Variants in SOX6 observed in about 807,000 individuals in gnomAD.
The protein encoded by SOX6 is transcription factor SOX-6.
SOX6 carries 11 observed loss-of-function variants against 97.8 expected under a neutral mutation model. The ratio of observed to expected loss-of-function variants is 0.11; its 90% CI spans 0.07 to 0.19. The LOEUF is 0.19. SOX6 is among the 10% of genes least tolerant of loss of function. SOX6 has a pLI of 1.00. For synonymous variants in SOX6, 360 were observed against 371.4 expected, an observed-to-expected ratio of 0.97 and a Z score of 0.35; for missense variants, 810 against 1,039.5, an observed-to-expected ratio of 0.78 and a Z score of 3.04.
chr11:16,067,577 C>G (rs1446674820), intron 9 of SOX6, among the ~76,000 whole-genome samples: 2 of 152,092 alleles, frequency 1.3e-5, no homozygotes, highest in Admixed American at 1.3e-4. Flanking sequence ...ATTACCCAGT[C>G]TCTGGTATGT....
chr11:16,603,260 TG>T (rs1451217706), intron 4 of SOX6, among the ~76,000 whole-genome samples: 6 of 152,176 alleles, frequency 3.9e-5, no homozygotes, highest in Non-Finnish European at 5.9e-5. Flanking sequence ...TGTTCATGGC[TG>T]CAGAAATCTG....
chr11:16,560,543 GT>G (rs1847801021), intron 4 of SOX6, among the ~76,000 whole-genome samples: 1 of 84,518 alleles, frequency 1.2e-5, no homozygotes, highest in African/African-American at 4.0e-5. Context: ...ATGTTTATAC[GT>G]ACATATGTTT....
chr11:16,236,454 T>TA (rs1450575336), intron 3 of SOX6, among the ~76,000 whole-genome samples: 27 of 152,042 alleles, frequency 1.8e-4, no homozygotes, highest in Non-Finnish European at 3.5e-4. Flanking sequence ...GATATAACGT[T>TA]AGAGTATGGA....
intron 1 of SOX6, among the ~76,000 whole-genome samples, chr11:16,417,789 T>G (rs1324674452): frequency 6.6e-6 from 1 of 152,198 alleles, no homozygotes; most frequent in East Asian, 1.9e-4. Flanking sequence ...AAACAATTAC[T>G]ATTTGAATTT....
At chr11:16,328,640 T>C (rs1480039399) in intron 2 of SOX6, among the ~76,000 whole-genome samples, 1 of 152,218 alleles carries the variant, frequency 6.6e-6, no homozygotes, top group Admixed American at 6.5e-5. Context: ...TAACATTTTT[T>C]CTGATTCTCC....
At chr11:16,284,398 T>C (rs1017833941) in intron 3 of SOX6, among the ~76,000 whole-genome samples, 3 of 152,142 alleles carry the variant, frequency 2.0e-5, no homozygotes, top group African/African-American at 7.2e-5. Flanking sequence ...TACGTGGATA[T>C]AGAATATTTT....
At chr11:16,303,717 G>A (rs1855335111) in intron 3 of SOX6, among the ~76,000 whole-genome samples, 1 of 152,072 alleles carries the variant, frequency 6.6e-6, no homozygotes, top group Admixed American at 6.6e-5. Context: ...GGGGAAAACT[G>A]TCATTTTTAC....
At position 16,013,397 on chromosome 11, in the gene SOX6, G is replaced by A. The variant is rs188527929; in HGVS notation, c.1732+1545C>T. Among the ~76,000 whole-genome samples, 368 of 152,074 alleles carry A rather than the reference G, an allele frequency of 2.4e-3. 1 individual carries two copies. Among genetic ancestry groups the A allele is most frequent in the African/African-American group, 8.2e-3 (340 of 41,520 alleles). ...CAGCCACAATCTCTGTGTTGCACTC[G>A]GATGGTTAACTGTGCAAGTAACATC... On this transcript the variant is annotated intron_variant, in intron 13 of 15. Transcript: ENST00000683767.
intron 4 of SOX6, chr11:16,611,947 G>A (rs1379918549): frequency 1.3e-5 from 2 of 152,544 alleles, no homozygotes; most frequent in Admixed American, 6.5e-5. Flanking sequence ...TCAAAAATAA[G>A]TTTTACAGAC....
At chr11:16,191,891 G>T (rs1476251969) in intron 4 of SOX6, among the ~76,000 whole-genome samples, 4 of 149,508 alleles carry the variant, frequency 2.7e-5, no homozygotes, top group Non-Finnish European at 4.4e-5. Context: ...TGTTCCATGG[G>T]GTCGTCTTTA....
chr11:16,179,546 G>T (rs544212109), intron 6 of SOX6, among the ~76,000 whole-genome samples: 1 of 151,960 alleles, frequency 6.6e-6, no homozygotes, highest in East Asian at 1.9e-4. Context: ...TTGCAAAGAC[G>T]CAGCAATGGC....
intron 4 of SOX6, among the ~76,000 whole-genome samples, chr11:16,504,441 A>G (rs1417751140): frequency 1.3e-5 from 2 of 152,028 alleles, no homozygotes; most frequent in Non-Finnish European, 2.9e-5. Flanking sequence ...TCTATGCACC[A>G]ATAATAAATT....
intron 4 of SOX6, among the ~76,000 whole-genome samples, chr11:16,560,576 C>T (rs777191079): frequency 2.6e-5 from 3 of 113,370 alleles, no homozygotes; most frequent in Non-Finnish European, 6.0e-5. Context: ...TATGTTTATA[C>T]GTACATATAT....
At chr11:16,097,717 T>A in intron 7 of SOX6, 29 bp from the exon 8 acceptor site, 1 of 1,583,742 alleles carries the variant, frequency 6.3e-7, no homozygotes, top group Non-Finnish European at 8.7e-7. Context: ...CATACAGGTT[T>A]AGACAATGCA....
intron 4 of SOX6, among the ~76,000 whole-genome samples, chr11:16,196,035 G>A (rs1196781063): frequency 6.6e-6 from 1 of 152,154 alleles, no homozygotes; most frequent in Non-Finnish European, 1.5e-5. Context: ...CATTTCTAGG[G>A]TGTATTTACA....
At chr11:16,092,886 C>G (rs575147382) in intron 9 of SOX6, among the ~76,000 whole-genome samples, 5 of 151,356 alleles carry the variant, frequency 3.3e-5, no homozygotes, top group Non-Finnish European at 5.9e-5. Flanking sequence ...TTAGTTCCCA[C>G]GACAATATTT....
intron 3 of SOX6, among the ~76,000 whole-genome samples, chr11:16,656,345 G>A (rs1175446698): frequency 6.6e-6 from 1 of 152,042 alleles, no homozygotes; most frequent in African/African-American, 2.4e-5. Context: ...CAAAGTGCTG[G>A]GATTACAGGC....
chr11:16,511,242 C>T (rs1175074458), intron 4 of SOX6, among the ~76,000 whole-genome samples: 1 of 152,076 alleles, frequency 6.6e-6, no homozygotes, highest in Admixed American at 6.6e-5. Flanking sequence ...TGGATGTATT[C>T]TATAGATGAG....
At chr11:16,330,536 G>A (rs949285379) in intron 2 of SOX6, among the ~76,000 whole-genome samples, 1 of 152,108 alleles carries the variant, frequency 6.6e-6, no homozygotes, top group African/African-American at 2.4e-5. Flanking sequence ...CAGCCTGGGC[G>A]ACAGAGCAAG....
Sources: gnomAD v4.1 joint callset for allele counts (sites outside exome capture counted in the v4.1 genomes callset) on GRCh38, gnomAD v4.1.1 for gene constraint, MANE v1.5 for transcripts, NCBI Gene and HGNC (gene_info 2026-07-23, HGNC 2026-07-21) for gene names.